The following CFAP100 variants were observed in gnomAD, a reference collection of about 807,000 sequenced individuals.
The protein encoded by CFAP100 is cilia and flagella associated protein 100.
A neutral mutation model predicts 81.5 loss-of-function variants in CFAP100; 70 were observed. The observed-to-expected ratio is 0.86, with a 90% CI of 0.71 to 1.05. CFAP100 has a LOEUF of 1.05. Ranked by LOEUF, CFAP100 falls within the 50% of genes least tolerant of loss-of-function variation. The probability of loss-of-function intolerance (pLI) is 0.00; values close to 1 mark genes in which losing one functional copy is unlikely to be tolerated. For missense variants in CFAP100, 811 were observed against 776.5 expected (o/e 1.04, Z -0.53); for synonymous variants, 341 against 314.8 (o/e 1.08, Z -0.88).
intron 11 of CFAP100, among the ~76,000 whole-genome samples, chr3:126,421,955 C>T (rs2083338645): frequency 1.3e-5 from 2 of 152,230 alleles, no homozygotes; most frequent in Non-Finnish European, 2.9e-5. Context: ...GCCTAGGGCT[C>T]CCTCAGCCAT....
At chr3:126,400,757 A>AG (rs1553787440) in intron 2 of CFAP100, among the ~76,000 whole-genome samples, 1 of 152,222 alleles carries the variant, frequency 6.6e-6, no homozygotes, top group Non-Finnish European at 1.5e-5. Flanking sequence ...GTCTCAAAAA[A>AG]AAAAGAAAAG....
At chr3:126,434,631 G>C (rs1933374202) in intron 15 of CFAP100, 2 of 495,450 alleles carry the variant, frequency 4.0e-6, no homozygotes, top group South Asian at 2.5e-5. Flanking sequence ...GAGGGACAGG[G>C]TCTAGAAGAT....
At position 126,423,513 on chromosome 3, in the gene CFAP100, G is replaced by A. The variant is rs149873626; in HGVS notation, c.1155G>A (p.Thr385=). 3.1e-5 allele frequency: 50 copies of A among 1,614,044 alleles called. No individual in the cohort carries two copies. Among genetic ancestry groups the A allele is most frequent in the African/African-American group, 1.6e-4 (12 of 74,972 alleles). ...TGCAGGAACCACAGCTGTACTTCAC[G>A]GAGCCCCAGCAGCTCCTGGATGTCT... is the stretch of plus-strand genomic sequence containing the variant. ...SDGEEPQLYF[T]EPQQLLDVFR... The change falls in exon 13 of 17, where the codon ACG becomes ACA. Residue 385 remains threonine, a synonymous_variant. Coordinates refer to ENST00000352312, the MANE Select transcript of CFAP100 (RefSeq NM_182628.3).
chr3:126,407,897 C>T (rs542036716), intron 3 of CFAP100, among the ~76,000 whole-genome samples: 125 of 152,292 alleles, frequency 8.2e-4, no homozygotes, highest in Admixed American at 1.0e-3. Flanking sequence ...ACTGTGGCTC[C>T]GACCTCCCTT....
At chr3:126,429,107 C>CAAAAAAAAAAA (rs57773311) in intron 13 of CFAP100, among the ~76,000 whole-genome samples, 1 of 95,752 alleles carries the variant, frequency 1.0e-5, no homozygotes, top group Non-Finnish European at 2.1e-5. Flanking sequence ...CGTCTCCATC[C>CAAAAAAAAAAA]AAAAAAAAAA....
intron 16 of CFAP100, among the ~76,000 whole-genome samples, 195 bp from the exon 17 acceptor site, chr3:126,436,096 C>T (rs965595705): frequency 1.3e-5 from 2 of 152,204 alleles, no homozygotes; most frequent in African/African-American, 4.8e-5. Flanking sequence ...GCTCCAGAGA[C>T]CAGGCTTGAT....
intron 11 of CFAP100, among the ~76,000 whole-genome samples, chr3:126,421,127 C>T (rs11715888): frequency 0.22 from 33,593 of 152,106 alleles, 3,976 homozygotes; most frequent in East Asian, 0.35. Context: ...CTCAGCCTCC[C>T]GAGTAGCTGG....
rs533626166 is a variant in CFAP100, at chr3:126,432,990, G to A, written c.1287-79G>A. The A allele has an allele frequency of 1.3e-5, 21 of 1,563,382 alleles. No homozygotes were observed. In the Admixed American group the frequency reaches 1.9e-4, roughly 14 times the overall value. On this transcript the variant is annotated intron_variant, in intron 13 of 16. Transcript: ENST00000352312. ...GGACAGCTGGTAGGGGCAAAGCACT[G>A]TACAGACAGGCTCAGAGAAGCGATG... is the stretch of plus-strand genomic sequence containing the variant.
chr3:126,408,192 C>A lies in CFAP100; in HGVS notation c.130+940C>A, dbSNP rs149280135. Among the ~76,000 whole-genome samples, 74 of 152,318 alleles carry A rather than the reference C, an allele frequency of 4.9e-4. 1 individual carries two copies. Among genetic ancestry groups the A allele is most frequent in the African/African-American group, 1.6e-3 (68 of 41,578 alleles). On this transcript the variant is annotated intron_variant, in intron 3 of 16. Transcript: ENST00000352312. Reference sequence around the variant, plus strand: ...CATTTGCTTCCTCTGTCCTTTCTCTCTTTTTCTTTGCCAGGACATTTTAAA... The same window carrying A: ...CATTTGCTTCCTCTGTCCTTTCTCTATTTTTCTTTGCCAGGACATTTTAAA...
chr3:126,403,490 T>A (rs2107587480), intron 2 of CFAP100, among the ~76,000 whole-genome samples: 1 of 151,574 alleles, frequency 6.6e-6, no homozygotes, highest in Admixed American at 6.6e-5. Context: ...GTTCAAATTA[T>A]CTTCCTGCCT....
intron 5 of CFAP100, chr3:126,418,190 C>T (rs2083272005): frequency 2.1e-6 from 1 of 479,372 alleles, no homozygotes; most frequent in Non-Finnish European, 3.8e-6. Flanking sequence ...CAAGTGAGTG[C>T]TACAGCAAGA....
chr3:126,423,317 C>T lies in CFAP100; in HGVS notation c.1083-8C>T, dbSNP rs1344081360. ...TCCCAGAGTCCCGACCCTGCCATCTCTTCGCAGGTCGAACTCTCCCATCCC... is the reference window on the plus strand; with the variant it reads ...TCCCAGAGTCCCGACCCTGCCATCTTTTCGCAGGTCGAACTCTCCCATCCC... On this transcript the variant is annotated splice_region_variant and splice_polypyrimidine_tract_variant and intron_variant, in intron 11 of 16. Coordinates refer to ENST00000352312, the MANE Select transcript of CFAP100 (RefSeq NM_182628.3). The T allele has an allele frequency of 1.2e-6, 2 of 1,612,088 alleles. No individual in the cohort carries two copies. Among genetic ancestry groups the T allele is most frequent in the African/African-American group, 2.7e-5 (2 of 74,878 alleles).
chr3:126,395,304 TAGA>T (rs1176246495), intron 1 of CFAP100: 7 of 152,164 alleles, frequency 4.6e-5, no homozygotes, highest in Non-Finnish European at 7.3e-5. Context: ...GGCACAAGCT[TAGA>T]GTGGGGGCCC....
chr3:126,428,167 T>C (rs1225529169), intron 13 of CFAP100, among the ~76,000 whole-genome samples: 3 of 152,188 alleles, frequency 2.0e-5, no homozygotes, highest in African/African-American at 7.2e-5. Flanking sequence ...AAATGGAATA[T>C]TTTTCAGTGC....
chr3:126,406,171 T>C (rs898288799), intron 2 of CFAP100, among the ~76,000 whole-genome samples: 3 of 152,184 alleles, frequency 2.0e-5, no homozygotes, highest in Non-Finnish European at 2.9e-5. Flanking sequence ...CTATACATTA[T>C]GGATTCTGTG....
chr3:126,401,400 TATATATATATATATATATA>T (rs2082978482), intron 2 of CFAP100, among the ~76,000 whole-genome samples: 16 of 41,004 alleles, frequency 3.9e-4, no homozygotes, highest in South Asian at 9.1e-4. Flanking sequence ...TCGTATTTTA[TATATATATATATATATATA>T]TATATATATA....
chr3:126,417,118 A>T lies in CFAP100; in HGVS notation c.418+610A>T, dbSNP rs536306617. On this transcript the variant is annotated intron_variant, in intron 5 of 16. Transcript: ENST00000352312. ...AAGTGGGCGGTTCCTAAGAAAGAGC[A>T]TGGAGCTGGACCTAGGTTTCCTGGC... Among the ~76,000 whole-genome samples the T allele has an allele frequency of 8.5e-5, 13 of 152,338 alleles. No homozygotes were observed. In the East Asian group the frequency reaches 2.5e-3, roughly 29 times the overall value.
intron 2 of CFAP100, among the ~76,000 whole-genome samples, 161 bp downstream of exon 2, chr3:126,396,210 C>G (rs1254446726): frequency 2.6e-5 from 4 of 152,190 alleles, no homozygotes; most frequent in African/African-American, 9.7e-5. Flanking sequence ...CCTGCAGCTG[C>G]TGTAACAAAG....
chr3:126,429,495 TTC>T (rs1206806058), intron 13 of CFAP100, among the ~76,000 whole-genome samples: 1 of 152,172 alleles, frequency 6.6e-6, no homozygotes, highest in Non-Finnish European at 1.5e-5. Flanking sequence ...TGTTCATTTT[TTC>T]TGTCTGTTTC....
Sources: allele counts gnomAD v4.1 joint callset (sites outside exome capture counted in the v4.1 genomes callset), GRCh38; gene constraint gnomAD v4.1.1; transcripts MANE v1.5; gene names NCBI Gene and HGNC (gene_info 2026-07-23, HGNC 2026-07-21).